MAP2K1: variants seen among roughly 807,000 people sequenced by gnomAD.
MAP2K1 encodes the protein dual specificity mitogen-activated protein kinase kinase 1.
In MAP2K1, 16 loss-of-function variants were observed where a neutral mutation model predicts 46.3. That is an observed-to-expected ratio of 0.35 (90% CI 0.23 to 0.52). The LOEUF is 0.52. MAP2K1 is among the 20% of genes least tolerant of loss of function. The pLI is 0.94. For missense variants in MAP2K1, 263 were observed against 497.1 expected, an observed-to-expected ratio of 0.53 and a Z score of 4.48; for synonymous variants, 183 against 185.6, an observed-to-expected ratio of 0.99 and a Z score of 0.11.
In MAP2K1 at chr15:66,481,792, G is replaced by A. The variant is rs771990100; in HGVS notation, c.606G>A (p.Gly202=). ...CCAACATCCTAGTCAACTCCCGTGG[G>A]GAGATCAAGCTCTGTGACTTTGGGG... ...KPSNILVNSR[G]EIKLCDFGVS... Residue 202 remains glycine (G), a synonymous_variant, in exon 6 of 11, where the codon GGG becomes GGA. Coordinates refer to ENST00000307102, the MANE Select transcript of MAP2K1 (RefSeq NM_002755.4). The A allele has an allele frequency of 6.2e-7, 1 of 1,613,398 alleles. No individual in the cohort carries two copies. The highest frequency in any genetic ancestry group is 1.3e-5 in the African/African-American group (1 of 74,896).
At chr15:66,415,029 G>A (rs192673830) in intron 1 of MAP2K1, 4 of 478,566 alleles carry the variant, frequency 8.4e-6, no homozygotes, top group Admixed American at 4.4e-5. Flanking sequence ...TAACCCCTGA[G>A]ATGCTCCCCT....
intron 1 of MAP2K1, among the ~76,000 whole-genome samples, chr15:66,389,626 G>C (rs2093352229): frequency 7.3e-6 from 1 of 137,546 alleles, no homozygotes. Flanking sequence ...CCAGGCCAGA[G>C]TGCAGTGGTG....
intron 1 of MAP2K1, among the ~76,000 whole-genome samples, chr15:66,402,477 T>G (rs373553280): frequency 2.6e-5 from 4 of 152,222 alleles, no homozygotes; most frequent in African/African-American, 9.6e-5. Context: ...CTTACGTAGT[T>G]TTGAGAGTCA....
intron 1 of MAP2K1, among the ~76,000 whole-genome samples, chr15:66,388,066 T>C (rs2093346778): frequency 6.6e-6 from 1 of 152,324 alleles, no homozygotes; most frequent in Middle Eastern, 3.4e-3. Context: ...ATTCATTCAT[T>C]GAACAAACCA....
chr15:66,490,839 G>A lies in MAP2K1; in HGVS notation c.*224G>A. 1 of 612,346 alleles carries A rather than the reference G, an allele frequency of 1.6e-6. No homozygotes were observed. The highest frequency in any genetic ancestry group is 3.0e-6 in the Non-Finnish European group (1 of 333,984). 37.9% of individuals were successfully genotyped at this position (612,346 alleles called of 1,614,324 possible). Reference sequence around the variant, plus strand: ...TAAGTGGATTGGCTTTGTGCTTGGGGCTATTTGTGTGTATGCTGATGATCA... The same window carrying A: ...TAAGTGGATTGGCTTTGTGCTTGGGACTATTTGTGTGTATGCTGATGATCA... On this transcript the variant is annotated 3_prime_UTR_variant, in exon 11 of 11. Transcript: ENST00000307102.
At chr15:66,404,479 G>GT (rs1219623859) in intron 1 of MAP2K1, among the ~76,000 whole-genome samples, 7 of 152,194 alleles carry the variant, frequency 4.6e-5, no homozygotes, top group Non-Finnish European at 8.8e-5. Flanking sequence ...CTTTTGCCTT[G>GT]TTTTATTTTG....
intron 6 of MAP2K1, among the ~76,000 whole-genome samples, chr15:66,482,841 C>T (rs1307191247): frequency 3.3e-5 from 5 of 152,146 alleles, no homozygotes; most frequent in Non-Finnish European, 7.4e-5. Flanking sequence ...AGTGGAGGAG[C>T]GTTGGAGTGA....
chr15:66,444,194 C>T (rs1383080663), intron 4 of MAP2K1, among the ~76,000 whole-genome samples: 4 of 147,426 alleles, frequency 2.7e-5, no homozygotes, highest in Non-Finnish European at 6.0e-5. Flanking sequence ...GCTGAGATCA[C>T]GGCACTGCAC....
At chr15:66,459,309 CAAA>C (rs35580857) in intron 5 of MAP2K1, among the ~76,000 whole-genome samples, 24 of 123,104 alleles carry the variant, frequency 1.9e-4, no homozygotes, top group East Asian at 2.5e-4. Flanking sequence ...GACTCTGTCT[CAAA>C]AAAAAAAAAA....
intron 1 of MAP2K1, among the ~76,000 whole-genome samples, chr15:66,389,463 C>T (rs1437392848): frequency 6.6e-6 from 1 of 151,950 alleles, no homozygotes; most frequent in Non-Finnish European, 1.5e-5. Flanking sequence ...GAAGAAACTA[C>T]CCCAGATTTG....
At chr15:66,388,810 T>C (rs1292113263) in intron 1 of MAP2K1, among the ~76,000 whole-genome samples, 1 of 152,190 alleles carries the variant, frequency 6.6e-6, no homozygotes, top group African/African-American at 2.4e-5. Context: ...CAGACTCTCT[T>C]CTTTAGTCCC....
At chr15:66,443,872 C>T (rs1436411414) in intron 4 of MAP2K1, among the ~76,000 whole-genome samples, 1 of 152,050 alleles carries the variant, frequency 6.6e-6, no homozygotes, top group East Asian at 1.9e-4. Flanking sequence ...TGTCTCAAAA[C>T]AAAACAACTC....
At chr15:66,415,270 T>C (rs1595848025) in intron 1 of MAP2K1, 1 of 359,924 alleles carries the variant, frequency 2.8e-6, no homozygotes, top group Non-Finnish European at 5.2e-6. Flanking sequence ...TTGAATCACC[T>C]TATTGGCGTA....
At chr15:66,428,685 C>T (rs901384841) in intron 1 of MAP2K1, among the ~76,000 whole-genome samples, 9 of 151,978 alleles carry the variant, frequency 5.9e-5, no homozygotes, top group Non-Finnish European at 1.3e-4. Context: ...ATCACACACC[C>T]CCTCTTAGTT....
chr15:66,422,692 T>C (rs1377500691), intron 1 of MAP2K1, among the ~76,000 whole-genome samples: 1 of 152,204 alleles, frequency 6.6e-6, no homozygotes, highest in East Asian at 1.9e-4. Flanking sequence ...ATGATGTGTC[T>C]AGGTGTGGGA....
intron 1 of MAP2K1, among the ~76,000 whole-genome samples, chr15:66,422,237 C>G (rs1006370724): frequency 3.9e-5 from 6 of 152,100 alleles, no homozygotes; most frequent in Admixed American, 2.6e-4. Flanking sequence ...ATTCATTTTT[C>G]CCCCATAGGT....
chr15:66,475,695 A>G (rs1028417068), intron 5 of MAP2K1, among the ~76,000 whole-genome samples: 1 of 152,214 alleles, frequency 6.6e-6, no homozygotes. Flanking sequence ...TACTCAGGCT[A>G]TCATCTGATG....
intron 8 of MAP2K1, chr15:66,488,859 G>A: frequency 2.8e-6 from 1 of 357,980 alleles, no homozygotes; most frequent in South Asian, 2.7e-5. Context: ...GAGTGTCAGA[G>A]CTTGAAAGGG....
At position 66,420,841 on chromosome 15, in the gene MAP2K1, G is replaced by GTGTATATGTATATGTGTATATATATA. The variant is rs1567003198; in HGVS notation, c.81-14183_81-14182insATATGTATATGTGTATATATATATGT. 2.1e-3 allele frequency among the ~76,000 whole-genome samples: 132 copies of GTGTATATGTATATGTGTATATATATA among 62,090 alleles called. 8 individuals are homozygous for GTGTATATGTATATGTGTATATATATA. The highest frequency in any genetic ancestry group is 7.0e-3 in the African/African-American group (126 of 18,024). 40.7% of individuals were successfully genotyped at this position (62,090 alleles called of 152,430 possible). ...TGTATATATATATGTGTATATATAT[G>GTGTATATGTATATGTGTATATATATA]TGTGTATATATATGTGTGTATATAT... On this transcript the variant is annotated intron_variant, in intron 1 of 10. Coordinates refer to ENST00000307102, the MANE Select transcript of MAP2K1 (RefSeq NM_002755.4).
Sources: gnomAD v4.1 joint callset for allele counts (sites outside exome capture counted in the v4.1 genomes callset) on GRCh38, gnomAD v4.1.1 for gene constraint, MANE v1.5 for transcripts, NCBI Gene and HGNC (gene_info 2026-07-23, HGNC 2026-07-21) for gene names.